RANBP2: variants seen among roughly 807,000 people sequenced by gnomAD.
RANBP2 encodes E3 SUMO-protein ligase RanBP2.
Under a neutral mutation model 303.6 loss-of-function variants are expected in RANBP2, and 57 were observed. The ratio of observed to expected loss-of-function variants is 0.19; its 90% CI spans 0.15 to 0.23. The LOEUF (loss-of-function observed/expected upper bound fraction) is 0.23. Ranked by LOEUF, RANBP2 falls within the 10% of genes least tolerant of loss-of-function variation. RANBP2 has a pLI of 1.00. For synonymous variants in RANBP2, 1,167 were observed against 1,301.5 expected (o/e 0.90, Z 2.23); for missense variants, 3,138 against 3,780.8 (o/e 0.83, Z 4.46).
rs779448103 is a variant in RANBP2 at position 108,763,399 on chromosome 2, C to G, written c.2860C>G (p.Leu954Val). Residue 954 changes from leucine to valine, a missense_variant, in exon 20 of 29, where the codon CTA becomes GTA. By Grantham distance (32) the Leu-to-Val change is conservative. Coordinates refer to ENST00000283195, the MANE Select transcript of RANBP2 (RefSeq NM_006267.5). ...TTTTGAGTCTCCTGCAACGGGAATT[C>G]TATCGCCCAGGGGTGATGATTACTT... ...LRFESPATGI[L>V]SPRGDDYFNY... is the part of the protein sequence containing the mutation. 1.9e-6 allele frequency: 3 copies of G among 1,614,028 alleles called. No individual in the cohort carries two copies. Among genetic ancestry groups the G allele is most frequent in the Non-Finnish European group, 2.5e-6 (3 of 1,179,972 alleles).
At chr2:109,158,990 G>A in the RANBP2 span, among the ~76,000 whole-genome samples, 512 of 152,334 alleles carry the variant, frequency 3.4e-3, 1 homozygote, top group African/African-American at 5.1e-3. Context: ...GGTGGCACAC[G>A]CCTGTAATCC....
At chr2:109,343,267 G>A in the RANBP2 span, among the ~76,000 whole-genome samples, 1 of 152,216 alleles carries the variant, frequency 6.6e-6, no homozygotes. Context: ...GACTCTGGAG[G>A]TGCCGGGTGT....
the RANBP2 span, among the ~76,000 whole-genome samples, chr2:109,549,038 G>A: frequency 6.6e-6 from 1 of 152,170 alleles, no homozygotes; most frequent in African/African-American, 2.4e-5. Flanking sequence ...TTTCAGAGAA[G>A]CATCAGTTCC....
chr2:108,995,884 T>A, the RANBP2 span, among the ~76,000 whole-genome samples: 1 of 152,134 alleles, frequency 6.6e-6, no homozygotes. Context: ...CAGGCCCAAA[T>A]TACCTGCCTC....
At chr2:109,548,269 T>C in the RANBP2 span, among the ~76,000 whole-genome samples, 19 of 152,160 alleles carry the variant, frequency 1.2e-4, no homozygotes, top group African/African-American at 4.6e-4. Context: ...GTCTAGAATC[T>C]ACATTTTAAA....
chr2:109,073,106 G>A, the RANBP2 span, among the ~76,000 whole-genome samples: 1 of 152,226 alleles, frequency 6.6e-6, no homozygotes, highest in Non-Finnish European at 1.5e-5. Flanking sequence ...ATGGAGATAT[G>A]TGATTTACCA....
At chr2:109,025,793 G>A in the RANBP2 span, among the ~76,000 whole-genome samples, 6 of 147,180 alleles carry the variant, frequency 4.1e-5, no homozygotes, top group South Asian at 2.2e-4. Flanking sequence ...GCGAGACTCC[G>A]TCTCGAAAAA....
the RANBP2 span, among the ~76,000 whole-genome samples, chr2:109,248,700 T>C: frequency 6.6e-6 from 1 of 152,184 alleles, no homozygotes; most frequent in South Asian, 2.1e-4. Context: ...ATTTCTTTCC[T>C]TTCCTTCTTT....
At chr2:109,390,782 G>A in the RANBP2 span, among the ~76,000 whole-genome samples, 7 of 152,288 alleles carry the variant, frequency 4.6e-5, no homozygotes, top group East Asian at 9.6e-4. Context: ...TCACAGGGGC[G>A]GTCGCTTCCC....
the RANBP2 span, among the ~76,000 whole-genome samples, chr2:108,816,864 T>A: frequency 1.3e-5 from 2 of 152,060 alleles, no homozygotes; most frequent in East Asian, 1.9e-4. Context: ...AGCTAATTTT[T>A]AAAAAAAATT....
chr2:109,226,363 G>C, the RANBP2 span, among the ~76,000 whole-genome samples: 1 of 152,146 alleles, frequency 6.6e-6, no homozygotes, highest in East Asian at 1.9e-4. Flanking sequence ...ACTCAGGAAG[G>C]TCAGCTGTTT....
chr2:109,473,862 C>G, the RANBP2 span, among the ~76,000 whole-genome samples: 17 of 152,012 alleles, frequency 1.1e-4, no homozygotes, highest in Admixed American at 5.2e-4. Flanking sequence ...AACCGCTCTC[C>G]TTGTGCCCCT....
the RANBP2 span, among the ~76,000 whole-genome samples, chr2:109,587,193 C>T: frequency 3.0e-4 from 46 of 151,948 alleles, no homozygotes; most frequent in East Asian, 7.7e-4. Context: ...GAGCTCGCAA[C>T]GACAAAAAGC....
the RANBP2 span, among the ~76,000 whole-genome samples, chr2:108,858,365 A>C: frequency 6.6e-5 from 10 of 152,138 alleles, no homozygotes; most frequent in Admixed American, 2.0e-4. Context: ...AACAAACAAA[A>C]AAAACACCAA....
chr2:109,549,246 A>G, the RANBP2 span, among the ~76,000 whole-genome samples: 1 of 152,220 alleles, frequency 6.6e-6, no homozygotes, highest in South Asian at 2.1e-4. Flanking sequence ...GGAAGCAGCA[A>G]GGGCAGGTTT....
At chr2:108,949,185 T>C in the RANBP2 span, among the ~76,000 whole-genome samples, 3 of 152,154 alleles carry the variant, frequency 2.0e-5, no homozygotes, top group Non-Finnish European at 4.4e-5. Flanking sequence ...TTTCCCCATG[T>C]TGCCGACACT....
At chr2:108,738,366 C>T (rs546585977) in intron 6 of RANBP2, among the ~76,000 whole-genome samples, 22 of 152,222 alleles carry the variant, frequency 1.4e-4, no homozygotes, top group South Asian at 4.1e-4. Flanking sequence ...TGAGCCACCG[C>T]GCCCAGCTGG....
chr2:109,678,863 C>G, the RANBP2 span, among the ~76,000 whole-genome samples: 1 of 152,210 alleles, frequency 6.6e-6, no homozygotes, highest in Non-Finnish European at 1.5e-5. Context: ...CTTGGAAGCT[C>G]AGCCTGCTGA....
the RANBP2 span, among the ~76,000 whole-genome samples, chr2:109,492,952 G>A: frequency 6.6e-6 from 1 of 151,950 alleles, no homozygotes; most frequent in Non-Finnish European, 1.5e-5. Flanking sequence ...CCCCTCTACA[G>A]GGCCCCAGGC....
Sources: allele counts gnomAD v4.1 joint callset (sites outside exome capture counted in the v4.1 genomes callset), GRCh38; gene constraint gnomAD v4.1.1; transcripts MANE v1.5; gene names NCBI Gene and HGNC (gene_info 2026-07-23, HGNC 2026-07-21).